Variants in GOT2 observed in about 807,000 individuals in gnomAD.
GOT2 encodes the protein aspartate aminotransferase, mitochondrial.
GOT2 carries 17 observed loss-of-function variants against 50.0 expected under a neutral mutation model. That is an observed-to-expected ratio of 0.34 (90% confidence interval 0.23 to 0.51). The LOEUF is 0.51. Among genes scored for constraint, GOT2 ranks in the 20% least tolerant of loss-of-function variants. The pLI is 0.97. For synonymous variants in GOT2, 172 were observed against 204.9 expected (o/e 0.84, Z 1.37); for missense variants, 430 against 559.6 (o/e 0.77, Z 2.34).
intron 1 of GOT2, among the ~76,000 whole-genome samples, chr16:58,730,909 CA>C (rs1364665006): frequency 6.6e-6 from 1 of 152,194 alleles, no homozygotes; most frequent in Non-Finnish European, 1.5e-5. Flanking sequence ...AAGCCTCAAA[CA>C]TTGAGCAATA....
intron 1 of GOT2, among the ~76,000 whole-genome samples, chr16:58,727,662 C>A (rs2044798394): frequency 6.6e-6 from 1 of 152,026 alleles, no homozygotes; most frequent in Non-Finnish European, 1.5e-5. Flanking sequence ...TTATGGGAGC[C>A]CTGAGCAGAG....
intron 1 of GOT2, among the ~76,000 whole-genome samples, chr16:58,733,076 C>T (rs75236418): frequency 2.0e-5 from 3 of 152,210 alleles, no homozygotes; most frequent in Non-Finnish European, 2.9e-5. Context: ...CTACGCTTTG[C>T]TCCTTGCAGT....
At chr16:58,714,710 AAAAAAAC>A (rs1264434003) in intron 8 of GOT2, among the ~76,000 whole-genome samples, 2 of 152,132 alleles carry the variant, frequency 1.3e-5, no homozygotes, top group African/African-American at 4.8e-5. Flanking sequence ...GACTGTTTAA[AAAAAAAC>A]AAAAAACAAA....
chr16:58,727,189 G>A (rs1207036477), intron 1 of GOT2, among the ~76,000 whole-genome samples: 3 of 151,982 alleles, frequency 2.0e-5, no homozygotes, highest in African/African-American at 4.8e-5. Flanking sequence ...GTCTCACTCC[G>A]TCCCCCAGGC....
intron 1 of GOT2, among the ~76,000 whole-genome samples, chr16:58,724,481 C>T (rs2044767566): frequency 1.3e-5 from 2 of 152,180 alleles, no homozygotes; most frequent in Admixed American, 6.5e-5. Flanking sequence ...CAGGTTTCCC[C>T]TATTAACATT....
intron 3 of GOT2, among the ~76,000 whole-genome samples, chr16:58,720,040 A>G (rs573478070): frequency 3.9e-4 from 60 of 152,172 alleles, no homozygotes; most frequent in African/African-American, 1.3e-3. Flanking sequence ...TGTCTCAACT[A>G]AAAATACAAA....
At chr16:58,712,959 C>T (rs912398218) in intron 8 of GOT2, among the ~76,000 whole-genome samples, 5 of 152,086 alleles carry the variant, frequency 3.3e-5, no homozygotes, top group Non-Finnish European at 7.3e-5. Context: ...ATTAGCTGGG[C>T]GTGGTAGCAC....
intron 9 of GOT2, 134 bp downstream of exon 9, chr16:58,709,278 AAAAAC>A (rs142747599): frequency 0.66 from 435,426 of 660,868 alleles, 153,518 homozygotes; most frequent in African/African-American, 0.87. Context: ...AAACAAAAAC[AAAAAC>A]AAAACAAAAC....
At chr16:58,722,358 T>G in intron 2 of GOT2, 80 bp from the exon 3 acceptor site, 1 of 1,453,328 alleles carries the variant, frequency 6.9e-7, no homozygotes, top group Non-Finnish European at 9.5e-7. Flanking sequence ...GTTTTATAAG[T>G]TAAGTTTTGG....
At chr16:58,714,587 G>A (rs1201768354) in intron 8 of GOT2, among the ~76,000 whole-genome samples, 2 of 151,582 alleles carry the variant, frequency 1.3e-5, no homozygotes, top group Non-Finnish European at 2.9e-5. Context: ...GTCTCGTTGT[G>A]CACACCTGTG....
chr16:58,715,997 G>A lies in GOT2; in HGVS notation c.1019+17C>T, dbSNP rs370647694. 1.4e-5 allele frequency: 23 copies of A among 1,593,878 alleles called. No individual in the cohort carries two copies. The African/African-American group carries it at 2.8e-4, about 20-fold the overall frequency. On this transcript the variant is annotated intron_variant, in intron 8 of 9. Transcript: ENST00000245206. The stretch of plus-strand genomic sequence containing the variant: ...GTGGGAACAGGTAGGTGGCTGGGGA[G>A]TGGCATAAACCTTTACCATTGTTTT...
At chr16:58,723,006 T>C (rs1716081934) in intron 2 of GOT2, among the ~76,000 whole-genome samples, 1 of 152,184 alleles carries the variant, frequency 6.6e-6, no homozygotes, top group Non-Finnish European at 1.5e-5. Context: ...TGCTTTGGCA[T>C]TGGAAGCCTG....
chr16:58,718,838 TG>T (rs2044717689), intron 4 of GOT2, 150 bp from the exon 5 acceptor site: 1 of 661,554 alleles, frequency 1.5e-6, no homozygotes, highest in Non-Finnish European at 2.5e-6. Flanking sequence ...TAAGACTGCC[TG>T]GGTTGGAATA....
intron 1 of GOT2, among the ~76,000 whole-genome samples, chr16:58,730,719 T>C (rs1184805325): frequency 6.6e-6 from 1 of 152,190 alleles, no homozygotes; most frequent in East Asian, 1.9e-4. Context: ...TTTCAACTCC[T>C]CCATGCCTTT....
chr16:58,734,301 G>C lies in GOT2; in HGVS notation c.-73C>G. The C allele has an allele frequency of 2.5e-6, 2 of 810,082 alleles. No individual in the cohort carries two copies. Among genetic ancestry groups the C allele is most frequent in the Non-Finnish European group, 3.4e-6 (2 of 593,468 alleles). 50.2% of individuals were successfully genotyped at this position (810,082 alleles called of 1,614,324 possible). A position where few individuals can be genotyped will look rare whatever the true frequency, so the allele number is the denominator to read the frequency against. ...CGAGCGGACACACACACAGGGAACCGGCTCCTGCTGAAGGTAAGGACAGGG... is the reference window on the plus strand; with the variant it reads ...CGAGCGGACACACACACAGGGAACCCGCTCCTGCTGAAGGTAAGGACAGGG... On this transcript the variant is annotated 5_prime_UTR_variant, in exon 1 of 10. Coordinates refer to ENST00000245206, the MANE Select transcript of GOT2 (RefSeq NM_002080.4).
intron 2 of GOT2, among the ~76,000 whole-genome samples, 169 bp downstream of exon 2, chr16:58,723,577 C>A (rs1420060301): frequency 6.6e-6 from 1 of 152,132 alleles, no homozygotes; most frequent in African/African-American, 2.4e-5. Flanking sequence ...AACCTCTCAC[C>A]TTTACAGTCA....
intron 4 of GOT2, 48 bp from the exon 5 acceptor site, chr16:58,718,736 A>C: frequency 6.9e-7 from 1 of 1,441,114 alleles, no homozygotes; most frequent in Non-Finnish European, 9.4e-7. Context: ...AAGGAGAGGC[A>C]AAAAAATGTT....
At chr16:58,723,494 G>A (rs257634) in intron 2 of GOT2, among the ~76,000 whole-genome samples, 77,056 of 151,934 alleles carry the variant, frequency 0.51, 20,767 homozygotes, top group Middle Eastern at 0.78. Context: ...TTTCTAAAGC[G>A]TATTTAATGT....
In GOT2 at chr16:58,728,189, A is replaced by G. The variant is rs577792663; in HGVS notation, c.90-4287T>C. Among the ~76,000 whole-genome samples, 3 of 152,266 alleles carry G rather than the reference A, an allele frequency of 2.0e-5. No individual in the cohort carries two copies. The East Asian group carries it at 5.8e-4, about 29-fold the overall frequency. On this transcript the variant is annotated intron_variant, in intron 1 of 9. Coordinates refer to ENST00000245206, the MANE Select transcript of GOT2 (RefSeq NM_002080.4). ...TTATTTCCAGTTTTTTGGATTTCCC[A>G]GGCTCTTATTTCTTGTAATGTTTCT...
Sources: gnomAD v4.1 joint callset for allele counts (sites outside exome capture counted in the v4.1 genomes callset) on GRCh38, gnomAD v4.1.1 for gene constraint, MANE v1.5 for transcripts, NCBI Gene and HGNC (gene_info 2026-07-23, HGNC 2026-07-21) for gene names.